The following CAMTA1 variants were observed in gnomAD, a reference collection of about 807,000 sequenced individuals.
CAMTA1 encodes calmodulin binding transcription activator 1.
Under a neutral mutation model 170.9 loss-of-function variants are expected in CAMTA1, and 27 were observed. The observed-to-expected ratio is 0.16, with a 90% CI of 0.12 to 0.22. The LOEUF (loss-of-function observed/expected upper bound fraction) is 0.22. CAMTA1 is among the 10% of genes least tolerant of loss of function. The pLI is 1.00. For synonymous variants in CAMTA1, 833 were observed against 891.5 expected (o/e 0.93, Z 1.17); for missense variants, 1,619 against 2,217.2 (o/e 0.73, Z 5.42).
rs562283001 is a variant in CAMTA1 at position 7,518,097 on chromosome 1, G to A, written c.510+50196G>A. On this transcript the variant is annotated intron_variant, in intron 6 of 22. Transcript: ENST00000303635. ...TGGTGTCTGCCAGAGCTGGATGTGA[G>A]AAGTGGATGGGACCGTGATCCCAGA... 2.0e-5 allele frequency among the ~76,000 whole-genome samples: 3 copies of A among 152,190 alleles called. No homozygotes were observed. In the South Asian group the frequency reaches 6.2e-4, roughly 32 times the overall value.
chr1:7,297,454 C>G (rs74503925), intron 5 of CAMTA1, among the ~76,000 whole-genome samples: 1 of 152,346 alleles, frequency 6.6e-6, no homozygotes, highest in African/African-American at 2.4e-5. Flanking sequence ...CAAGGGTTCT[C>G]TCGTCTGGCT....
intron 11 of CAMTA1, among the ~76,000 whole-genome samples, chr1:7,715,844 G>GA (rs1468760744): frequency 1.3e-5 from 2 of 152,180 alleles, no homozygotes; most frequent in African/African-American, 4.8e-5. Context: ...GCCGAGACAT[G>GA]AAAGAATCCT....
At chr1:7,101,842 TACAC>T (rs1317133718) in intron 4 of CAMTA1, among the ~76,000 whole-genome samples, 2 of 152,162 alleles carry the variant, frequency 1.3e-5, no homozygotes, top group East Asian at 1.9e-4. Flanking sequence ...TGTAGGCACA[TACAC>T]ACATATGCAT....
At chr1:7,766,106 G>A (rs1225481495) in intron 22 of CAMTA1, among the ~76,000 whole-genome samples, 4 of 151,718 alleles carry the variant, frequency 2.6e-5, no homozygotes, top group African/African-American at 9.7e-5. Flanking sequence ...GGACATTAAT[G>A]GTGGTCCACG....
At chr1:7,591,275 G>A (rs777625382) in intron 6 of CAMTA1, among the ~76,000 whole-genome samples, 3 of 152,176 alleles carry the variant, frequency 2.0e-5, no homozygotes, top group Admixed American at 6.5e-5. Flanking sequence ...GCACAAAATC[G>A]GAGGCCCTGG....
At chr1:7,490,595 T>C (rs1231114945) in intron 6 of CAMTA1, among the ~76,000 whole-genome samples, 2 of 151,808 alleles carry the variant, frequency 1.3e-5, no homozygotes, top group Non-Finnish European at 2.9e-5. Context: ...GAGGTTGCGG[T>C]GAGCCGAGAT....
chr1:7,416,415 G>T (rs942229618), intron 5 of CAMTA1, among the ~76,000 whole-genome samples: 7 of 152,120 alleles, frequency 4.6e-5, no homozygotes, highest in Non-Finnish European at 8.8e-5. Flanking sequence ...CGTAGATTTG[G>T]TCTTTTCACA....
At chr1:7,287,958 C>A (rs1359350267) in intron 5 of CAMTA1, among the ~76,000 whole-genome samples, 1 of 152,182 alleles carries the variant, frequency 6.6e-6, no homozygotes, top group Non-Finnish European at 1.5e-5. Flanking sequence ...ACAGAGGAGG[C>A]TGGGAAATAC....
intron 3 of CAMTA1, among the ~76,000 whole-genome samples, chr1:7,018,894 C>T (rs6678589): frequency 0.032 from 4,840 of 152,248 alleles, 99 homozygotes; most frequent in South Asian, 0.048. Context: ...TGATCAGCAG[C>T]GGGGAGGGCA....
chr1:7,459,831 G>A (rs1448783891), intron 5 of CAMTA1, among the ~76,000 whole-genome samples: 1 of 152,248 alleles, frequency 6.6e-6, no homozygotes, highest in Non-Finnish European at 1.5e-5. Context: ...CAGCCCAACT[G>A]TAGTGGGAGA....
chr1:7,484,872 C>G (rs931270174), intron 6 of CAMTA1, among the ~76,000 whole-genome samples: 1 of 152,152 alleles, frequency 6.6e-6, no homozygotes, highest in Non-Finnish European at 1.5e-5. Flanking sequence ...GCCGCCCGTG[C>G]TGAGCTGGGC....
At chr1:7,444,570 A>G (rs1480627037) in intron 5 of CAMTA1, among the ~76,000 whole-genome samples, 1 of 152,202 alleles carries the variant, frequency 6.6e-6, no homozygotes, top group Non-Finnish European at 1.5e-5. Flanking sequence ...GTGAGGAAGC[A>G]GGAAGTGAAG....
rs146110106 is a variant in CAMTA1, at chr1:7,257,076, C to CGGGGG, written c.438+7451_438+7455dup. 1.2e-3 allele frequency among the ~76,000 whole-genome samples: 160 copies of CGGGGG among 135,004 alleles called. 2 individuals are homozygous for CGGGGG. Among genetic ancestry groups the CGGGGG allele is most frequent in the Non-Finnish European group, 1.9e-3 (117 of 61,056 alleles). The allele number at this position is 135,004 out of a possible 152,430, so 88.6% of individuals were successfully genotyped here. Reference sequence around the variant, plus strand: ...CCCACTTCCACATACCATCGCATGGCGGGGGCGGGGGTTGGTTTTCATCAT... The same window carrying CGGGGG: ...CCCACTTCCACATACCATCGCATGGCGGGGGGGGGGCGGGGGTTGGTTTTCATCAT... On this transcript the variant is annotated intron_variant, in intron 5 of 22. Coordinates refer to ENST00000303635, the MANE Select transcript of CAMTA1 (RefSeq NM_015215.4).
chr1:7,021,925 T>C (rs1701410072), intron 3 of CAMTA1, among the ~76,000 whole-genome samples: 1 of 152,082 alleles, frequency 6.6e-6, no homozygotes, highest in Non-Finnish European at 1.5e-5. Flanking sequence ...CGCCGTTCAG[T>C]GAGTGGTTTA....
chr1:7,446,681 G>C (rs532955489), intron 5 of CAMTA1, among the ~76,000 whole-genome samples: 1 of 152,238 alleles, frequency 6.6e-6, no homozygotes, highest in Non-Finnish European at 1.5e-5. Context: ...CTCTCCCACA[G>C]TAGGGGCTGC....
intron 1 of CAMTA1, among the ~76,000 whole-genome samples, chr1:6,808,539 C>T (rs995830077): frequency 1.3e-5 from 2 of 152,174 alleles, no homozygotes; most frequent in Non-Finnish European, 2.9e-5. Context: ...CCTTCTTGAC[C>T]TTGCCCCTCT....
At chr1:7,403,891 G>A (rs2090101085) in intron 5 of CAMTA1, among the ~76,000 whole-genome samples, 2 of 152,232 alleles carry the variant, frequency 1.3e-5, no homozygotes, top group South Asian at 4.2e-4. Flanking sequence ...GTGCAGGGAG[G>A]CAAAGGAGCT....
At chr1:6,785,648 G>A in intron 1 of CAMTA1, 73 bp downstream of exon 1, 1 of 854,716 alleles carries the variant, frequency 1.2e-6, no homozygotes, top group Non-Finnish European at 1.4e-6. Context: ...GGACATCCCG[G>A]GCATCGGCGG....
rs1196452778 is a variant in CAMTA1 at position 7,532,197 on chromosome 1, T to C, written c.510+64296T>C. ...CTCCATTGAGCCAGTCCTTCCTGTG[T>C]GGCCTTCGGATTCTTGGTGGAGGGG... On this transcript the variant is annotated intron_variant, in intron 6 of 22. Transcript: ENST00000303635. This position sits in a 1 kb window ranked among gnomAD's most constrained non-coding sequence, Gnocchi z 4.2. 6.6e-6 allele frequency among the ~76,000 whole-genome samples: 1 copy of C among 152,160 alleles called. No homozygotes were observed. Among genetic ancestry groups the C allele is most frequent in the Non-Finnish European group, 1.5e-5 (1 of 68,024 alleles).
Sources: gnomAD v4.1 joint callset for allele counts (sites outside exome capture counted in the v4.1 genomes callset) on GRCh38, gnomAD v4.1.1 for gene constraint, Gnocchi (gnomAD v3.1) non-coding constraint, MANE v1.5 for transcripts, NCBI Gene and HGNC (gene_info 2026-07-23, HGNC 2026-07-21) for gene names.